CLSTN1: variants seen among roughly 807,000 people sequenced by gnomAD.
CLSTN1 encodes calsyntenin-1.
CLSTN1 carries 28 observed loss-of-function variants against 108.3 expected under a neutral mutation model. The observed-to-expected ratio is 0.26, with a 90% confidence interval of 0.19 to 0.35. CLSTN1 has a LOEUF of 0.35. CLSTN1 is among the 10% of genes least tolerant of loss of function. The pLI is 1.00. For synonymous variants in CLSTN1, 524 were observed against 534.9 expected, an observed-to-expected ratio of 0.98 and a Z score of 0.28; for missense variants, 1,157 against 1,302.6, an observed-to-expected ratio of 0.89 and a Z score of 1.72.
At position 9,734,554 on chromosome 1, in the gene CLSTN1, G is replaced by A. The variant is rs185135877; in HGVS notation, c.2110+394C>T. 2.7e-5 allele frequency among the ~76,000 whole-genome samples: 4 copies of A among 149,674 alleles called. No homozygotes were observed. Among genetic ancestry groups the A allele is most frequent in the East Asian group, 2.0e-4 (1 of 5,042 alleles). ...GACACCATTGCACTCCAGCCTGGGC[G>A]ACAGAGTGAGACTCCATCTCAAAAA... is the stretch of plus-strand genomic sequence containing the variant. On this transcript the variant is annotated intron_variant, in intron 14 of 18. Coordinates refer to ENST00000377298, the MANE Select transcript of CLSTN1 (RefSeq NM_001009566.3). The surrounding 1 kb of genome is among the most constrained non-coding windows in gnomAD (Gnocchi z 4.8).
chr1:9,782,091 C>T (rs186543509), intron 1 of CLSTN1, among the ~76,000 whole-genome samples: 30 of 152,242 alleles, frequency 2.0e-4, no homozygotes, highest in African/African-American at 7.0e-4. Flanking sequence ...ACATTTCTTG[C>T]AATCTGATCT....
intron 1 of CLSTN1, among the ~76,000 whole-genome samples, chr1:9,796,252 A>C (rs557278344): frequency 7.2e-6 from 1 of 138,702 alleles, no homozygotes; most frequent in South Asian, 2.7e-4. Flanking sequence ...ACAGGGCAAG[A>C]CTGTCTCCAA....
At chr1:9,751,344 C>T in intron 5 of CLSTN1, 129 bp downstream of exon 5, 1 of 788,366 alleles carries the variant, frequency 1.3e-6, no homozygotes, top group Non-Finnish European at 2.0e-6. Context: ...AAAGCAAACA[C>T]ACACCAGGTT....
intron 1 of CLSTN1, among the ~76,000 whole-genome samples, chr1:9,777,338 G>A (rs1051651610): frequency 6.6e-6 from 1 of 151,068 alleles, no homozygotes. Context: ...TGACCAATAT[G>A]GTAAAATCCT....
intron 1 of CLSTN1, among the ~76,000 whole-genome samples, chr1:9,810,069 GGAGA>G (rs930079553): frequency 2.3e-5 from 3 of 129,108 alleles, no homozygotes; most frequent in Non-Finnish European, 5.0e-5. Flanking sequence ...AGAAAGAGAG[GGAGA>G]GAGAGAGAGA....
Position 9,755,159 on chromosome 1 carries a change from T to A in CLSTN1, c.395A>T (p.Asp132Val). 6.2e-7 allele frequency: 1 copy of A among 1,614,024 alleles called. No individual in the cohort carries two copies. ...GGTGCCATCAGGTCCCTTCCCACAA[T>A]CATAGGCCTGGATGGTGAATGAATA... Reference protein sequence around the residue: ...KDYSFTIQAYDCGKGPDGTNV... With the variant: ...KDYSFTIQAYVCGKGPDGTNV... Residue 132 changes from aspartate to valine, a missense_variant, in exon 4 of 19, where the codon GAT becomes GTT. Physicochemically the swap from Asp to Val is radical, Grantham distance 152. Coordinates refer to ENST00000377298, the MANE Select transcript of CLSTN1 (RefSeq NM_001009566.3).
intron 2 of CLSTN1, among the ~76,000 whole-genome samples, chr1:9,759,519 T>C (rs558862394): frequency 6.6e-4 from 101 of 152,336 alleles, no homozygotes; most frequent in African/African-American, 2.3e-3. Context: ...CCTGACCTCA[T>C]GATCCGCCCG....
intron 2 of CLSTN1, among the ~76,000 whole-genome samples, chr1:9,772,230 C>T (rs376656808): frequency 1.3e-5 from 2 of 151,452 alleles, no homozygotes; most frequent in East Asian, 1.9e-4. Context: ...TGTGACCCGC[C>T]CGCCTCGGCC....
chr1:9,783,423 T>A (rs1653339479), intron 1 of CLSTN1, among the ~76,000 whole-genome samples: 1 of 151,874 alleles, frequency 6.6e-6, no homozygotes, highest in African/African-American at 2.4e-5. Flanking sequence ...TACAAAAAAA[T>A]GTTTTAAAAA....
chr1:9,757,386 C>T (rs977600450), intron 2 of CLSTN1, among the ~76,000 whole-genome samples: 16 of 151,226 alleles, frequency 1.1e-4, no homozygotes, highest in African/African-American at 3.4e-4. Flanking sequence ...GGACTACAGG[C>T]GCCCGCCACC....
In CLSTN1 at chr1:9,744,382, G is replaced by T; in HGVS notation, c.1234+13C>A. The T allele has an allele frequency of 6.3e-7, 1 of 1,598,600 alleles. No individual in the cohort carries two copies. ...ACTGGGGCCTGGCATCGCTTGCAGA[G>T]CTATTACCCTACCTGTTTTATCAGA... On this transcript the variant is annotated intron_variant, in intron 8 of 18. Coordinates refer to ENST00000377298, the MANE Select transcript of CLSTN1 (RefSeq NM_001009566.3).
chr1:9,783,621 C>T (rs1368264994), intron 1 of CLSTN1, among the ~76,000 whole-genome samples: 1 of 151,872 alleles, frequency 6.6e-6, no homozygotes, highest in Non-Finnish European at 1.5e-5. Flanking sequence ...TTTGGGAGGC[C>T]GAGGCAGGTG....
chr1:9,808,602 G>C (rs74751459), intron 1 of CLSTN1, among the ~76,000 whole-genome samples: 23 of 152,170 alleles, frequency 1.5e-4, no homozygotes, highest in African/African-American at 5.1e-4. Flanking sequence ...ATTACTAGAC[G>C]ATCCCATGAG....
chr1:9,795,426 A>T (rs1226703339), intron 1 of CLSTN1, among the ~76,000 whole-genome samples: 2 of 151,212 alleles, frequency 1.3e-5, no homozygotes, highest in African/African-American at 4.8e-5. Context: ...TCAGCCTCCC[A>T]AAGTGCTGGG....
intron 1 of CLSTN1, among the ~76,000 whole-genome samples, chr1:9,812,545 T>G (rs1446839764): frequency 6.6e-6 from 1 of 152,154 alleles, no homozygotes; most frequent in African/African-American, 2.4e-5. Context: ...GCCCCAGGGT[T>G]GGTTTAAAAA....
At chr1:9,733,834 T>C (rs1650535508) in intron 15 of CLSTN1, 138 bp downstream of exon 15, 1 of 891,120 alleles carries the variant, frequency 1.1e-6, no homozygotes, top group African/African-American at 1.7e-5. Context: ...CCAACAATGA[T>C]CCCAGCGAAC....
rs533864961 is a variant in CLSTN1, at chr1:9,773,186, A to G, written c.214+86T>C. 5.9e-5 allele frequency: 93 copies of G among 1,563,430 alleles called. 1 individual carries two copies. In the East Asian group the frequency reaches 2.1e-3, roughly 35 times the overall value. ...CTCAGCTATGGAGACATTTTCAGAA[A>G]CGCTCAGCATTACCCAAATGGGATG... On this transcript the variant is annotated intron_variant, in intron 2 of 18. Transcript: ENST00000377298.
chr1:9,731,985 G>GCAGC, intron 16 of CLSTN1, 89 bp from the exon 17 acceptor site: 1 of 1,526,696 alleles, frequency 6.6e-7, no homozygotes, highest in Non-Finnish European at 9.0e-7. Flanking sequence ...GGCATGACCA[G>GCAGC]TGCCACTCAG....
intron 1 of CLSTN1, chr1:9,780,987 T>G (rs766250177): frequency 4.2e-6 from 2 of 473,850 alleles, no homozygotes; most frequent in Non-Finnish European, 7.4e-6. Context: ...TGTGGTGTCA[T>G]GTCGGTGCTT....
Sources: gnomAD v4.1 joint callset for allele counts (sites outside exome capture counted in the v4.1 genomes callset) on GRCh38, gnomAD v4.1.1 for gene constraint, Gnocchi (gnomAD v3.1) non-coding constraint, MANE v1.5 for transcripts, NCBI Gene and HGNC (gene_info 2026-07-23, HGNC 2026-07-21) for gene names.